The following RWDD4 variants were observed in gnomAD, a reference collection of about 807,000 sequenced individuals.
RWDD4 encodes the protein RWD domain containing 4.
RWDD4 carries 16 observed loss-of-function variants against 30.0 expected under a neutral mutation model. That is an observed-to-expected ratio of 0.53 (90% CI 0.36 to 0.81). The LOEUF is 0.81. RWDD4 is among the 30% of genes least tolerant of loss of function. RWDD4 has a pLI of 0.00. For missense variants in RWDD4, 170 were observed against 223.9 expected, an observed-to-expected ratio of 0.76 and a Z score of 1.54; for synonymous variants, 45 against 72.1, an observed-to-expected ratio of 0.62 and a Z score of 1.90.
In RWDD4 at chr4:183,651,472, A is replaced by T. The variant is rs572355885; in HGVS notation, c.106-145T>A. 151 of 658,110 alleles carry T rather than the reference A, an allele frequency of 2.3e-4. No individual in the cohort carries two copies. In the African/African-American group the frequency reaches 2.7e-3, roughly 12 times the overall value. The allele number at this position is 658,110 out of a possible 1,614,324, so 40.8% of individuals were successfully genotyped here. A position where few individuals can be genotyped will look rare whatever the true frequency, so the allele number is the denominator to read the frequency against. On this transcript the variant is annotated intron_variant, in intron 2 of 7. Coordinates refer to ENST00000326397, the MANE Select transcript of RWDD4 (RefSeq NM_152682.4). ...TTTGAAAAGTCCAGTGACACAGGCT[A>T]GGACTGAGCAGGGGTGAAGGGAGTC...
chr4:183,643,484 C>T (rs1209279953), intron 7 of RWDD4, among the ~76,000 whole-genome samples: 1 of 130,838 alleles, frequency 7.6e-6, no homozygotes, highest in African/African-American at 2.9e-5. Context: ...TATTACGATG[C>T]AAATAGTTTT....
intron 2 of RWDD4, among the ~76,000 whole-genome samples, chr4:183,654,123 T>C (rs1734136688): frequency 6.6e-6 from 1 of 151,630 alleles, no homozygotes; most frequent in Non-Finnish European, 1.5e-5. Context: ...TAGAAAAAAA[T>C]ACACGGGGGG....
rs1461453787 is a variant in RWDD4 at position 183,641,019 on chromosome 4, A to G, written c.*417T>C. 1 of 158,262 alleles carries G rather than the reference A, an allele frequency of 6.3e-6. No homozygotes were observed. The highest frequency in any genetic ancestry group is 2.4e-5 in the African/African-American group (1 of 41,622). The allele number at this position is 158,262 out of a possible 1,614,324, so 9.8% of individuals were successfully genotyped here. On this transcript the variant is annotated 3_prime_UTR_variant, in exon 8 of 8. Coordinates refer to ENST00000326397, the MANE Select transcript of RWDD4 (RefSeq NM_152682.4). ...GATGAAGACTTAAGAGAAGAAGCCT[A>G]TTAATATGGATTGCACTATGGAGTA...
intron 2 of RWDD4, among the ~76,000 whole-genome samples, chr4:183,654,431 G>GGT (rs1734144290): frequency 6.6e-6 from 1 of 152,044 alleles, no homozygotes; most frequent in Non-Finnish European, 1.5e-5. Flanking sequence ...AGAACTGAGG[G>GGT]GTGTGACTCA....
In RWDD4 at chr4:183,649,481, C is replaced by CTTT. The variant is rs762659246; in HGVS notation, c.448_450dup (p.Lys150dup). ...TTGTCTGCCAGCTTACGCTTCTGGG[C>CTTT]TTTTGAAAGTTGTTCTTTTTTGTCT... is the stretch of plus-strand genomic sequence containing the variant. On this transcript the variant is annotated inframe_insertion, in exon 5 of 8. Coordinates refer to ENST00000326397, the MANE Select transcript of RWDD4 (RefSeq NM_152682.4). 1.9e-6 allele frequency: 3 copies of CTTT among 1,611,394 alleles called. No homozygotes were observed. Among genetic ancestry groups the CTTT allele is most frequent in the Non-Finnish European group, 2.5e-6 (3 of 1,178,538 alleles).
At chr4:183,652,582 C>T (rs925890769) in intron 2 of RWDD4, among the ~76,000 whole-genome samples, 4 of 152,082 alleles carry the variant, frequency 2.6e-5, no homozygotes, top group African/African-American at 4.8e-5. Context: ...GAGGCCAAGG[C>T]GGGTAGATCA....
At chr4:183,658,662 AC>A (rs1734275788) in intron 1 of RWDD4, among the ~76,000 whole-genome samples, 2 of 152,262 alleles carry the variant, frequency 1.3e-5, no homozygotes, top group Non-Finnish European at 2.9e-5. Flanking sequence ...TGGATCGTGC[AC>A]CAAGGACGCT....
intron 2 of RWDD4, among the ~76,000 whole-genome samples, chr4:183,655,631 G>GT (rs974883148): frequency 2.0e-5 from 3 of 152,012 alleles, no homozygotes; most frequent in African/African-American, 7.3e-5. Flanking sequence ...AATTTTTAAG[G>GT]TTTTTTCCAT....
At chr4:183,643,059 AAAATAAATAAATAAATAAATAAAT>A (rs201296160) in intron 7 of RWDD4, among the ~76,000 whole-genome samples, 7 of 112,490 alleles carry the variant, frequency 6.2e-5, no homozygotes, top group Admixed American at 1.0e-4. Context: ...ACTCCGTTCA[AAAATAAATAAATAAATAAATAAAT>A]AAATAAATAA....
intron 7 of RWDD4, among the ~76,000 whole-genome samples, chr4:183,642,423 TC>T (rs1733877369): frequency 1.2e-5 from 1 of 85,272 alleles, no homozygotes; most frequent in Admixed American, 9.5e-5. Context: ...TCTCCTGACC[TC>T]GTGATCCGCC....
intron 4 of RWDD4, 137 bp downstream of exon 4, chr4:183,650,847 T>G (rs906240267): frequency 4.5e-5 from 32 of 709,986 alleles, no homozygotes; most frequent in Non-Finnish European, 6.3e-5. Flanking sequence ...TCCATTGTTC[T>G]CATTTAACTC....
At chr4:183,644,700 AC>A (rs1196909483) in intron 7 of RWDD4, among the ~76,000 whole-genome samples, 2 of 151,734 alleles carry the variant, frequency 1.3e-5, no homozygotes, top group African/African-American at 4.8e-5. Flanking sequence ...AATTGCTTGA[AC>A]CCAGGAGCAG....
rs147400614 is a variant in RWDD4, at chr4:183,655,367, T to C, written c.105+514A>G. Among the ~76,000 whole-genome samples the C allele has an allele frequency of 4.6e-3, 695 of 151,432 alleles. 8 individuals carry two copies. The highest frequency in any genetic ancestry group is 0.015 in the African/African-American group (622 of 41,188). ...CTTGATCTCGGCTCACTGCAAGCTC[T>C]GCCTCCCGGGTTCACGCCATTCTCC... On this transcript the variant is annotated intron_variant, in intron 2 of 7. Transcript: ENST00000326397.
chr4:183,641,885 TACCATCTTA>T (rs1733863170), intron 7 of RWDD4, among the ~76,000 whole-genome samples: 1 of 152,208 alleles, frequency 6.6e-6, no homozygotes, highest in African/African-American at 2.4e-5. Flanking sequence ...ACCTAAGATT[TACCATCTTA>T]ACCAGACAAT....
At chr4:183,651,636 T>C (rs1384312839) in intron 2 of RWDD4, among the ~76,000 whole-genome samples, 10 of 152,130 alleles carry the variant, frequency 6.6e-5, no homozygotes, top group Non-Finnish European at 1.3e-4. Context: ...TTTCCGAGGA[T>C]GAAAATAAGA....
In RWDD4 at chr4:183,646,530, T is replaced by G; in HGVS notation, c.489A>C (p.Lys163Asn). Residue 163 changes from lysine (K) to asparagine (N), a missense_variant, in exon 6 of 8, where the codon AAA (lysine) becomes AAC (asparagine). Coordinates refer to ENST00000326397, the MANE Select transcript of RWDD4 (RefSeq NM_152682.4). ...AGTTCCAGCCTCGAGGAAGTTCTCCTTTGTGATCTAGAAGATAAAAAATAG... is the reference window on the plus strand; with the variant it reads ...AGTTCCAGCCTCGAGGAAGTTCTCCGTTGTGATCTAGAAGATAAAAAATAG... ...KRKLADKTDH[K>N]GELPRGWNWV... 10 of 1,611,364 alleles carry G rather than the reference T, an allele frequency of 6.2e-6. No homozygotes were observed. The highest frequency in any genetic ancestry group is 8.5e-6 in the Non-Finnish European group (10 of 1,179,432).
At chr4:183,655,797 T>C (rs1370230606) in intron 2 of RWDD4, 84 bp downstream of exon 2, 2 of 771,854 alleles carry the variant, frequency 2.6e-6, no homozygotes, top group East Asian at 4.9e-5. Flanking sequence ...TTTAAACAAG[T>C]TTAAAAAACA....
chr4:183,659,142 T>C lies in RWDD4; in HGVS notation c.-190A>G. The C allele has an allele frequency of 4.8e-6, 2 of 419,618 alleles. No individual in the cohort carries two copies. The highest frequency in any genetic ancestry group is 7.2e-5 in the East Asian group (2 of 27,886). The allele number at this position is 419,618 out of a possible 1,614,324, so 26.0% of individuals were successfully genotyped here. A position where few individuals can be genotyped will look rare whatever the true frequency, so the allele number is the denominator to read the frequency against. ...CAGCGCCCAGCCGCCGGCAGTGGGCTGTGGGCTACGAGCCGGAGCCGCGGC... is the reference window on the plus strand; with the variant it reads ...CAGCGCCCAGCCGCCGGCAGTGGGCCGTGGGCTACGAGCCGGAGCCGCGGC... On this transcript the variant is annotated 5_prime_UTR_variant, in exon 1 of 8. Transcript: ENST00000326397.
Position 183,646,233 on chromosome 4 carries a change from G to A in RWDD4, c.534+118C>T. ...TGCATTCTTAAGATGTGCTTACATA[G>A]TCATACTATATTGTAGTTTTAACTT... On this transcript the variant is annotated intron_variant, in intron 7 of 7. Coordinates refer to ENST00000326397, the MANE Select transcript of RWDD4 (RefSeq NM_152682.4). 5 of 682,446 alleles carry A rather than the reference G, an allele frequency of 7.3e-6. No homozygotes were observed. The East Asian group carries it at 7.5e-5, about 10-fold the overall frequency. 42.3% of individuals were successfully genotyped at this position (682,446 alleles called of 1,614,324 possible). A position where few individuals can be genotyped will look rare whatever the true frequency, so the allele number is the denominator to read the frequency against.
Sources: gnomAD v4.1 joint callset for allele counts (sites outside exome capture counted in the v4.1 genomes callset) on GRCh38, gnomAD v4.1.1 for gene constraint, MANE v1.5 for transcripts, NCBI Gene and HGNC (gene_info 2026-07-23, HGNC 2026-07-21) for gene names.